The following PKD2L2 variants were observed in gnomAD, a reference collection of about 807,000 sequenced individuals.
PKD2L2 encodes polycystin 2 like 2, transient receptor potential cation channel, also known as polycystin-2-like protein 2.
Under a neutral mutation model 83.9 loss-of-function variants are expected in PKD2L2, and 67 were observed. The ratio of observed to expected loss-of-function variants is 0.80; its 90% CI spans 0.66 to 0.98. The LOEUF (loss-of-function observed/expected upper bound fraction) is 0.98. Ranked by LOEUF, PKD2L2 falls within the 50% of genes least tolerant of loss-of-function variation. The pLI is 0.00. For synonymous variants in PKD2L2, 223 were observed against 237.8 expected, an observed-to-expected ratio of 0.94 and a Z score of 0.57; for missense variants, 632 against 717.2, an observed-to-expected ratio of 0.88 and a Z score of 1.36.
chr5:137,917,652 C>T (rs1167304172), intron 8 of PKD2L2, among the ~76,000 whole-genome samples: 1 of 151,602 alleles, frequency 6.6e-6, no homozygotes, highest in African/African-American at 2.4e-5. Flanking sequence ...ATTGATATTT[C>T]CATTTTGTTC....
intron 5 of PKD2L2, among the ~76,000 whole-genome samples, chr5:137,902,225 G>T (rs1004121211): frequency 5.3e-5 from 8 of 152,058 alleles, no homozygotes; most frequent in African/African-American, 1.9e-4. Flanking sequence ...ACCCTTCAAT[G>T]ATATAGACAC....
chr5:137,930,427 C>CT (rs1759769535), intron 12 of PKD2L2, among the ~76,000 whole-genome samples: 1 of 152,014 alleles, frequency 6.6e-6, no homozygotes, highest in Non-Finnish European at 1.5e-5. Context: ...AATCCCAGCA[C>CT]TTTGGGAGGC....
rs1581029278 is a variant in PKD2L2 at position 137,941,188 on chromosome 5, G to A, written c.*18-1196G>A. On this transcript the variant is annotated intron_variant, in intron 14 of 14. Transcript: ENST00000508883. ...CTCCCAAAGTGCTGGTATTACAGAC[G>A]TGAGCCACTGCGCCTGGCCCACTTC... Among the ~76,000 whole-genome samples, 4 of 152,220 alleles carry A rather than the reference G, an allele frequency of 2.6e-5. No homozygotes were observed. In the South Asian group the frequency reaches 8.3e-4, roughly 32 times the overall value.
At chr5:137,915,347 C>T (rs1415216199) in intron 8 of PKD2L2, among the ~76,000 whole-genome samples, 3 of 152,102 alleles carry the variant, frequency 2.0e-5, no homozygotes, top group South Asian at 2.1e-4. Flanking sequence ...GTAGAATTTA[C>T]CAGTGAAGCC....
chr5:137,893,580 A>G (rs117549558), intron 3 of PKD2L2, among the ~76,000 whole-genome samples: 1 of 152,214 alleles, frequency 6.6e-6, no homozygotes, highest in Non-Finnish European at 1.5e-5. Flanking sequence ...AGAAGGAACA[A>G]TATGTTCTAT....
At chr5:137,940,086 T>C (rs1328077334) in intron 14 of PKD2L2, 1 of 1,614,124 alleles carries the variant, frequency 6.2e-7, no homozygotes, top group Admixed American at 1.7e-5. Flanking sequence ...TTTGTTTTGT[T>C]TAGTGGCACC....
chr5:137,906,227 A>T lies in PKD2L2; in HGVS notation c.768A>T (p.Ala256=). Reference sequence around the variant, plus strand: ...ACAGATTGGTGGCAGAATTCCCTGCAACTGGAGGAATACTTACTTCATGGC... The same window carrying T: ...ACAGATTGGTGGCAGAATTCCCTGCTACTGGAGGAATACTTACTTCATGGC... ...CIIRLVAEFP[A]TGGILTSWQF... Residue 256 remains alanine, a synonymous_variant, in exon 6 of 15, where the codon GCA becomes GCT. Transcript: ENST00000508883. The T allele has an allele frequency of 6.2e-7, 1 of 1,605,490 alleles. No homozygotes were observed. The highest frequency in any genetic ancestry group is 8.5e-7 in the Non-Finnish European group (1 of 1,175,186).
chr5:137,892,760 A>G, intron 3 of PKD2L2, 147 bp downstream of exon 3: 1 of 706,442 alleles, frequency 1.4e-6, no homozygotes, highest in Non-Finnish European at 2.3e-6. Context: ...ACCAACCAGT[A>G]AGTGTTTTTG....
chr5:137,919,682 G>A (rs1758712830), intron 8 of PKD2L2, among the ~76,000 whole-genome samples: 1 of 152,164 alleles, frequency 6.6e-6, no homozygotes, highest in African/African-American at 2.4e-5. Context: ...TTACAAACCA[G>A]TATTAAAAGC....
chr5:137,935,082 T>C (rs766828345), intron 12 of PKD2L2, among the ~76,000 whole-genome samples: 11 of 152,202 alleles, frequency 7.2e-5, no homozygotes, highest in African/African-American at 9.7e-5. Flanking sequence ...AGCAGGGAAG[T>C]ATCATACAAA....
intron 8 of PKD2L2, among the ~76,000 whole-genome samples, chr5:137,914,544 G>C (rs1167705810): frequency 6.6e-6 from 1 of 152,150 alleles, no homozygotes; most frequent in Non-Finnish European, 1.5e-5. Context: ...GAATCTTTAA[G>C]GGTTTCTATA....
chr5:137,905,376 T>C (rs1757285264), intron 5 of PKD2L2, among the ~76,000 whole-genome samples: 1 of 152,220 alleles, frequency 6.6e-6, no homozygotes, highest in Non-Finnish European at 1.5e-5. Context: ...CAGATCATAA[T>C]ATTGAGTTTC....
At chr5:137,930,280 T>G (rs529239663) in intron 12 of PKD2L2, among the ~76,000 whole-genome samples, 1 of 152,188 alleles carries the variant, frequency 6.6e-6, no homozygotes, top group South Asian at 2.1e-4. Flanking sequence ...AAAAATTCTA[T>G]GAAAACAACA....
intron 8 of PKD2L2, among the ~76,000 whole-genome samples, chr5:137,915,397 A>T (rs1472457791): frequency 6.6e-6 from 1 of 151,716 alleles, no homozygotes. Context: ...TTTTAATTTT[A>T]AATTTTAATT....
Position 137,919,545 on chromosome 5 carries a change from G to A in PKD2L2, c.1329-2091G>A, listed in dbSNP as rs532889035. Among the ~76,000 whole-genome samples the A allele has an allele frequency of 1.4e-4, 21 of 150,112 alleles. 1 individual carries two copies. The East Asian group carries it at 3.2e-3, about 23-fold the overall frequency. On this transcript the variant is annotated intron_variant, in intron 8 of 14. Coordinates refer to ENST00000508883, the MANE Select transcript of PKD2L2 (RefSeq NM_001300921.2). Reference sequence around the variant, plus strand: ...TTTTTTCCCCAACTCAAAGATGAAAGATCATGGCAGAAACACTAAAACAGA... The same window carrying A: ...TTTTTTCCCCAACTCAAAGATGAAAAATCATGGCAGAAACACTAAAACAGA...
At chr5:137,926,631 G>C (rs1257553149) in intron 12 of PKD2L2, among the ~76,000 whole-genome samples, 1 of 152,164 alleles carries the variant, frequency 6.6e-6, no homozygotes, top group Non-Finnish European at 1.5e-5. Flanking sequence ...CACCCTAGTA[G>C]CAATGAGCAC....
chr5:137,942,646 A>G lies in PKD2L2; in HGVS notation c.*280A>G, dbSNP rs1762205787. On this transcript the variant is annotated 3_prime_UTR_variant, in exon 15 of 15. Transcript: ENST00000508883. Reference sequence around the variant, plus strand: ...AAAAACTGCTGGGATTATAGGCATGAGCCACTGTGCCTGGCTAGATTTTTT... The same window carrying G: ...AAAAACTGCTGGGATTATAGGCATGGGCCACTGTGCCTGGCTAGATTTTTT... The G allele has an allele frequency of 2.1e-6, 1 of 471,630 alleles. No individual in the cohort carries two copies. Among genetic ancestry groups the G allele is most frequent in the East Asian group, 4.0e-5 (1 of 24,696 alleles). 29.2% of individuals were successfully genotyped at this position (471,630 alleles called of 1,614,324 possible).
chr5:137,920,382 C>T (rs1758782739), intron 8 of PKD2L2, among the ~76,000 whole-genome samples: 1 of 152,100 alleles, frequency 6.6e-6, no homozygotes. Flanking sequence ...GTCTTAATTT[C>T]TTCATTTTTC....
chr5:137,895,487 A>G (rs1297391801), intron 4 of PKD2L2, among the ~76,000 whole-genome samples: 2 of 150,270 alleles, frequency 1.3e-5, no homozygotes, highest in Non-Finnish European at 3.0e-5. Context: ...AAAAAAAAAA[A>G]AAAAAAGGAA....
Sources: gnomAD v4.1 joint callset for allele counts (sites outside exome capture counted in the v4.1 genomes callset) on GRCh38, gnomAD v4.1.1 for gene constraint, MANE v1.5 for transcripts, NCBI Gene and HGNC (gene_info 2026-07-23, HGNC 2026-07-21) for gene names.